The following CDKL5 variants were observed in gnomAD, a reference collection of about 807,000 sequenced individuals.
CDKL5 encodes the protein cyclin dependent kinase like 5, also known as cyclin-dependent kinase-like 5.
Under a neutral mutation model 61.7 loss-of-function variants are expected in CDKL5, and 8 were observed. That is an observed-to-expected ratio of 0.13 (90% CI 0.08 to 0.23). The LOEUF is 0.23. Among genes scored for constraint, CDKL5 ranks in the 10% least tolerant of loss-of-function variants. CDKL5 has a pLI of 1.00. For missense variants in CDKL5, 440 were observed against 734.5 expected (o/e 0.60, Z 4.63); for synonymous variants, 275 against 272.3 (o/e 1.01, Z -0.10).
At chrX:18,433,737 C>G (rs1461291857) in intron 1 of CDKL5, among the ~76,000 whole-genome samples, 2 of 111,855 alleles carry the variant, frequency 1.8e-5, no homozygotes, top group Non-Finnish European at 3.8e-5. Context: ...AAATAAAATA[C>G]AACATTCTTG....
intron 15 of CDKL5, among the ~76,000 whole-genome samples, chrX:18,614,235 T>G (rs1926649809): frequency 1.8e-5 from 2 of 112,545 alleles, no homozygotes; most frequent in Non-Finnish European, 3.7e-5. Flanking sequence ...GGTTTCAGTG[T>G]TGTTGTGCCC....
chrX:18,477,724 C>T lies in CDKL5; in HGVS notation c.-162-29211C>T, dbSNP rs1184663695. Among the ~76,000 whole-genome samples the T allele has an allele frequency of 2.7e-5, 3 of 111,497 alleles. 1 individual carries two copies. The highest frequency in any genetic ancestry group is 5.6e-5 in the Non-Finnish European group (3 of 53,150). On this transcript the variant is annotated intron_variant, in intron 1 of 17. Transcript: ENST00000623535. Reference sequence around the variant, plus strand: ...TATAGAAACCGTTCCTTCCATGTAGCTCTATTCTCTCTTCCTTTTTGTGAT... The same window carrying T: ...TATAGAAACCGTTCCTTCCATGTAGTTCTATTCTCTCTTCCTTTTTGTGAT...
chrX:18,644,891 G>A (rs1338883523), downstream of CDKL5, among the ~76,000 whole-genome samples: 1 of 112,879 alleles, frequency 8.9e-6, no homozygotes, highest in East Asian at 2.8e-4. Context: ...ATGCCTCAGA[G>A]TGTGGCTGAA....
At chrX:18,507,256 C>G in intron 2 of CDKL5, 96 bp downstream of exon 2, 4 of 591,512 alleles carry the variant, frequency 6.8e-6, no homozygotes, top group Non-Finnish European at 1.2e-5. Flanking sequence ...GTTAATTTAA[C>G]CTATATCAAT....
chrX:18,616,484 G>T (rs759788823), intron 15 of CDKL5, among the ~76,000 whole-genome samples: 1 of 109,861 alleles, frequency 9.1e-6, no homozygotes, highest in Admixed American at 9.7e-5. Context: ...AATTAGCTGG[G>T]CATGGTGGCG....
intron 3 of CDKL5, among the ~76,000 whole-genome samples, chrX:18,513,379 T>G (rs1243227118): frequency 9.0e-6 from 1 of 111,465 alleles, no homozygotes; most frequent in Non-Finnish European, 1.9e-5. Flanking sequence ...GAACTCTGAT[T>G]TTTAGTTACT....
At chrX:18,524,515 G>A (rs1001199765) in intron 3 of CDKL5, among the ~76,000 whole-genome samples, 1 of 112,037 alleles carries the variant, frequency 8.9e-6, no homozygotes, top group Non-Finnish European at 1.9e-5. Flanking sequence ...ACACTCTCCA[G>A]ATATGTGTTT....
rs186979371 is a variant in CDKL5, at chrX:18,517,273, A to G, written c.99+6419A>G. 7.3e-4 allele frequency among the ~76,000 whole-genome samples: 81 copies of G among 111,214 alleles called. 2 individuals carry two copies. Among genetic ancestry groups the G allele is most frequent in the African/African-American group, 2.5e-3 (76 of 30,625 alleles). ...TCGTTTCCCCGCTCACTTCTAGAGGATGAATTGGCTGGAATGCTTTTCCAG... is the reference window on the plus strand; with the variant it reads ...TCGTTTCCCCGCTCACTTCTAGAGGGTGAATTGGCTGGAATGCTTTTCCAG... On this transcript the variant is annotated intron_variant, in intron 3 of 17. Coordinates refer to ENST00000623535, the MANE Select transcript of CDKL5 (RefSeq NM_001323289.2).
chrX:18,536,508 G>A (rs1923841647), intron 3 of CDKL5, among the ~76,000 whole-genome samples: 1 of 91,368 alleles, frequency 1.1e-5, no homozygotes, highest in African/African-American at 4.2e-5. Flanking sequence ...GTGCAGTGGC[G>A]TGATTTCCGC....
chrX:18,644,691 G>T, downstream of CDKL5: 1 of 1,104,993 alleles, frequency 9.0e-7, no homozygotes, highest in Admixed American at 2.2e-5. Context: ...GCCCGCAGGT[G>T]CTGGCTCTCG....
At chrX:18,510,276 T>C (rs1317922703) in intron 2 of CDKL5, among the ~76,000 whole-genome samples, 4 of 111,840 alleles carry the variant, frequency 3.6e-5, no homozygotes, top group Non-Finnish European at 5.6e-5. Context: ...TGCCTCAGCC[T>C]CCTGAGTAGC....
At chrX:18,442,161 C>G (rs192269993) in intron 1 of CDKL5, 1 of 111,528 alleles carries the variant, frequency 9.0e-6, no homozygotes, top group African/African-American at 3.3e-5. Flanking sequence ...CTGCTGCCCA[C>G]CCCCAGGTTT....
intron 20 of CDKL5, among the ~76,000 whole-genome samples, chrX:18,649,807 C>G (rs1048096467): frequency 1.2e-4 from 13 of 112,133 alleles, no homozygotes; most frequent in South Asian, 3.7e-4. Flanking sequence ...GCTCCTCCCC[C>G]ACCCGCGACA....
At chrX:18,430,478 C>G (rs1341293993) in intron 1 of CDKL5, among the ~76,000 whole-genome samples, 1 of 111,904 alleles carries the variant, frequency 8.9e-6, no homozygotes, top group East Asian at 2.8e-4. Context: ...GAGTCTCGCT[C>G]TGTTGCCTAG....
intron 2 of CDKL5, among the ~76,000 whole-genome samples, chrX:18,509,448 C>G (rs1028321782): frequency 1.8e-5 from 2 of 110,690 alleles, no homozygotes; most frequent in African/African-American, 6.6e-5. Flanking sequence ...TGTTCAGGTC[C>G]CATAGACTGT....
intron 3 of CDKL5, among the ~76,000 whole-genome samples, chrX:18,512,509 ATCTCTTACTTCC>A (rs2147096528): frequency 9.0e-6 from 1 of 111,145 alleles, no homozygotes; most frequent in East Asian, 2.8e-4. Context: ...TAGATCACAG[ATCTCTTACTTCC>A]ATGCAATGGC....
At position 18,584,224 on chromosome X, in the gene CDKL5, T is replaced by C. The variant is rs184524881; in HGVS notation, c.464-39T>C. On this transcript the variant is annotated intron_variant, in intron 7 of 17. Transcript: ENST00000623535. ...TTTTGCCCACATGAATTATTATTTC[T>C]TTTTCAAAGTTACAACTTTGGACTT... The C allele has an allele frequency of 5.5e-4, 510 of 932,607 alleles. 3 individuals carry two copies. The African/African-American group carries it at 8.6e-3, about 16-fold the overall frequency. 76.9% of individuals were successfully genotyped at this position (932,607 alleles called of 1,213,427 possible). A position where few individuals can be genotyped will look rare whatever the true frequency, so the allele number is the denominator to read the frequency against.
At chrX:18,508,824 G>C (rs1431703710) in intron 2 of CDKL5, among the ~76,000 whole-genome samples, 1 of 110,030 alleles carries the variant, frequency 9.1e-6, no homozygotes, top group Non-Finnish European at 1.9e-5. Flanking sequence ...CACCAGGAAC[G>C]GTGACTCATG....
intron 3 of CDKL5, among the ~76,000 whole-genome samples, chrX:18,529,650 C>A (rs1352802221): frequency 9.2e-6 from 1 of 108,673 alleles, no homozygotes; most frequent in Non-Finnish European, 1.9e-5. Context: ...TTTTTTTTTT[C>A]TTTCAACATT....
Sources: allele counts gnomAD v4.1 joint callset (sites outside exome capture counted in the v4.1 genomes callset), GRCh38; gene constraint gnomAD v4.1.1; transcripts MANE v1.5; gene names NCBI Gene and HGNC (gene_info 2026-07-23, HGNC 2026-07-21).